The following NKX2-4 variants were observed in gnomAD, a reference collection of about 807,000 sequenced individuals.
The protein encoded by NKX2-4 is homeobox protein Nkx-2.4.
Under a neutral mutation model 8.6 loss-of-function variants are expected in NKX2-4, and 6 were observed. The ratio of observed to expected loss-of-function variants is 0.70; its 90% CI spans 0.38 to 1.38. NKX2-4 has a LOEUF of 1.38. Ranked by LOEUF, NKX2-4 falls within the 40% of genes most tolerant of loss-of-function variation. The probability of loss-of-function intolerance (pLI) is 0.02; values close to 1 mark genes in which losing one functional copy is unlikely to be tolerated. For synonymous variants in NKX2-4, 299 were observed against 272.6 expected (o/e 1.10, Z -0.95); for missense variants, 601 against 548.4 (o/e 1.10, Z -0.96).
chr20:21,396,908 G>A (rs1311477200), intron 1 of NKX2-4, 50 bp downstream of exon 1: 16 of 1,309,370 alleles, frequency 1.2e-5, no homozygotes, highest in African/African-American at 1.5e-5. Flanking sequence ...CTCGGCTGTG[G>A]CGGGAAACGC....
intron 1 of NKX2-4, 42 bp downstream of exon 1, chr20:21,396,916 C>T (rs1163240512): frequency 7.5e-7 from 1 of 1,339,682 alleles, no homozygotes; most frequent in Non-Finnish European, 9.6e-7. Flanking sequence ...TGGCGGGAAA[C>T]GCCTGAGCCG....
Position 21,397,031 on chromosome 20 carries a change from G to C in NKX2-4, c.369C>G (p.Ala123=). Reference sequence around the variant, plus strand: ...CGCCGCCCCGCATGCCGTCCGTGTAGGCGGGCAGCTCGCCCATGTTGCCCA... The same window carrying C: ...CGCCGCCCCGCATGCCGTCCGTGTACGCGGGCAGCTCGCCCATGTTGCCCA... ...GGLGNMGELP[A]YTDGMRGGAA... is the part of the protein sequence containing the mutation. The change falls in exon 1 of 2, where the codon GCC becomes GCG. Residue 123 remains alanine, a synonymous_variant. Transcript: ENST00000351817. 2 of 1,456,634 alleles carry C rather than the reference G, an allele frequency of 1.4e-6. No individual in the cohort carries two copies. The highest frequency in any genetic ancestry group is 1.8e-6 in the Non-Finnish European group (2 of 1,105,498). The allele number at this position is 1,456,634 out of a possible 1,614,324, so 90.2% of individuals were successfully genotyped here.
rs1455842675 is a variant in NKX2-4 at position 21,395,895 on chromosome 20, CG to C, written c.*15del. ...CTTCGGGTGCACCAGGACCTAGCCC[CG>C]GGGCGCCCTCGCTGTCACCACGTCC... On this transcript the variant is annotated 3_prime_UTR_variant, in exon 2 of 2. Coordinates refer to ENST00000351817, the MANE Select transcript of NKX2-4 (RefSeq NM_033176.2). The C allele has an allele frequency of 7.6e-7, 1 of 1,312,640 alleles. No homozygotes were observed. The allele number at this position is 1,312,640 out of a possible 1,614,324, so 81.3% of individuals were successfully genotyped here. A position where few individuals can be genotyped will look rare whatever the true frequency, so the allele number is the denominator to read the frequency against.
Position 21,396,099 on chromosome 20 carries a change from T to G in NKX2-4, c.877A>C (p.Thr293Pro). 1 of 1,375,296 alleles carries G rather than the reference T, an allele frequency of 7.3e-7. No homozygotes were observed. Among genetic ancestry groups the G allele is most frequent in the Non-Finnish European group, 9.3e-7 (1 of 1,070,338 alleles). 85.2% of individuals were successfully genotyped at this position (1,375,296 alleles called of 1,614,324 possible). ...DGKPCQNGAS[T>P]PTPGQAGPQP... ...GGACCGGCCTGGCCGGGGGTGGGCG[T>G]GCTGGCGCCGTTCTGGCACGGCTTG... is the stretch of plus-strand genomic sequence containing the variant. The change falls in exon 2 of 2, where the codon ACG (threonine) becomes CCG (proline). Residue 293 changes from threonine (T) to proline (P), a missense_variant. By Grantham distance (38) the Thr-to-Pro change is conservative. Coordinates refer to ENST00000351817, the MANE Select transcript of NKX2-4 (RefSeq NM_033176.2).
At chr20:21,396,901 G>A (rs1404650497) in intron 1 of NKX2-4, 57 bp downstream of exon 1, 35 of 1,293,812 alleles carry the variant, frequency 2.7e-5, no homozygotes, top group Middle Eastern at 2.8e-4. Context: ...CGCGCCCCTC[G>A]GCTGTGGCGG....
rs1363249499 is a variant in NKX2-4 at position 21,396,456 on chromosome 20, T to G, written c.520A>C (p.Lys174Gln). 5 of 1,492,492 alleles carry G rather than the reference T, an allele frequency of 3.4e-6. No individual in the cohort carries two copies. The highest frequency in any genetic ancestry group is 3.5e-6 in the Non-Finnish European group (4 of 1,133,004). 92.5% of individuals were successfully genotyped at this position (1,492,492 alleles called of 1,614,324 possible). A position where few individuals can be genotyped will look rare whatever the true frequency, so the allele number is the denominator to read the frequency against. The change falls in exon 2 of 2, where the codon AAG becomes CAG. Residue 174 changes from lysine (K) to glutamine (Q), a missense_variant. Physicochemically the swap from Lys to Gln is moderately conservative, Grantham distance 53. Transcript: ENST00000351817. ...GCCGCGTGCAGCGGGCCCAGCGACT[T>G]GGCGGCGTCCGCGATGCCGGTCAGC... is the stretch of plus-strand genomic sequence containing the variant. ...GSLTGIADAA[K>Q]SLGPLHAAAA...
Position 21,395,620 on chromosome 20 carries a change from A to C in NKX2-4, c.*291T>G, listed in dbSNP as rs2039008724. ...GTTTCCAACTTTGAGAGCTGTAGTTAAGAATGCCGTGTGAACTTCTCCACC... is the reference window on the plus strand; with the variant it reads ...GTTTCCAACTTTGAGAGCTGTAGTTCAGAATGCCGTGTGAACTTCTCCACC... On this transcript the variant is annotated 3_prime_UTR_variant, in exon 2 of 2. Transcript: ENST00000351817. 3.9e-6 allele frequency: 1 copy of C among 253,436 alleles called. No individual in the cohort carries two copies. Among genetic ancestry groups the C allele is most frequent in the South Asian group, 1.7e-4 (1 of 5,788 alleles). 15.7% of individuals were successfully genotyped at this position (253,436 alleles called of 1,614,324 possible). A position where few individuals can be genotyped will look rare whatever the true frequency, so the allele number is the denominator to read the frequency against.
In NKX2-4 at chr20:21,396,087, C is replaced by A; in HGVS notation, c.889G>T (p.Gly297Cys). The A allele has an allele frequency of 7.4e-7, 1 of 1,345,402 alleles. No homozygotes were observed. Among genetic ancestry groups the A allele is most frequent in the Non-Finnish European group, 9.5e-7 (1 of 1,055,524 alleles). The allele number at this position is 1,345,402 out of a possible 1,614,324, so 83.3% of individuals were successfully genotyped here. Residue 297 changes from glycine (G) to cysteine (C), a missense_variant, in exon 2 of 2, where the codon GGC (glycine) becomes TGC (cysteine). Physicochemically the swap from Gly to Cys is radical, Grantham distance 159. Transcript: ENST00000351817. ...CQNGASTPTP[G>C]QAGPQPPAPT... ...GCCGGCGGCTGCGGACCGGCCTGGC[C>A]GGGGGTGGGCGTGCTGGCGCCGTTC...
At position 21,397,460 on chromosome 20, in the gene NKX2-4, C is replaced by T. The variant is rs938329316; in HGVS notation, c.-61G>A. The T allele has an allele frequency of 8.1e-6, 10 of 1,241,304 alleles. No homozygotes were observed. Among genetic ancestry groups the T allele is most frequent in the Non-Finnish European group, 1.0e-5 (10 of 996,556 alleles). The allele number at this position is 1,241,304 out of a possible 1,614,324, so 76.9% of individuals were successfully genotyped here. A position where few individuals can be genotyped will look rare whatever the true frequency, so the allele number is the denominator to read the frequency against. ...GCGCGCCGGCAGGACGCGGCGGCCG[C>T]TCGTCGCCGCCACCTCGGCCGCGGC... On this transcript the variant is annotated 5_prime_UTR_variant, in exon 1 of 2. Coordinates refer to ENST00000351817, the MANE Select transcript of NKX2-4 (RefSeq NM_033176.2).
chr20:21,395,936 T>G lies in NKX2-4; in HGVS notation c.1040A>C (p.Asn347Thr). 1 of 1,337,824 alleles carries G rather than the reference T, an allele frequency of 7.5e-7. No homozygotes were observed. The highest frequency in any genetic ancestry group is 2.8e-5 in the East Asian group (1 of 35,814). The allele number at this position is 1,337,824 out of a possible 1,614,324, so 82.9% of individuals were successfully genotyped here. A position where few individuals can be genotyped will look rare whatever the true frequency, so the allele number is the denominator to read the frequency against. ...GEYSGGVLGA[N>T]LLYGRTW is the part of the protein sequence containing the mutation. ...TCACCACGTCCTGCCATAGAGCAGG[T>G]TGGCGCCCAGGACGCCGCCGCTGTA... The change falls in exon 2 of 2, where the codon AAC becomes ACC. Residue 347 changes from asparagine to threonine, a missense_variant. Physicochemically the swap from Asn to Thr is moderately conservative, Grantham distance 65. Coordinates refer to ENST00000351817, the MANE Select transcript of NKX2-4 (RefSeq NM_033176.2).
Position 21,396,299 on chromosome 20 carries a change from A to G in NKX2-4, c.677T>C (p.Ile226Thr). 1 of 1,605,436 alleles carries G rather than the reference A, an allele frequency of 6.2e-7. No individual in the cohort carries two copies. The highest frequency in any genetic ancestry group is 2.0e-4 in the Middle Eastern group (1 of 5,028). ...APEREHLASMIHLTPTQVKIW... is the reference protein window; with the variant it reads ...APEREHLASMTHLTPTQVKIW... Reference sequence around the variant, plus strand: ...CTTGACCTGCGTGGGCGTCAGGTGGATCATGCTGGCCAGGTGCTCGCGCTC... The same window carrying G: ...CTTGACCTGCGTGGGCGTCAGGTGGGTCATGCTGGCCAGGTGCTCGCGCTC... Residue 226 changes from isoleucine (I) to threonine (T), a missense_variant, in exon 2 of 2, where the codon ATC (isoleucine) becomes ACC (threonine). Ile to Thr is a moderately conservative substitution (Grantham distance 89). Coordinates refer to ENST00000351817, the MANE Select transcript of NKX2-4 (RefSeq NM_033176.2).
Position 21,396,038 on chromosome 20 carries a change from T to C in NKX2-4, c.938A>G (p.Glu313Gly). Residue 313 changes from glutamate to glycine, a missense_variant, in exon 2 of 2, where the codon GAG (glutamate) becomes GGG (glycine). By Grantham distance (98) the Glu-to-Gly change is moderately conservative (BLOSUM62 -2). Coordinates refer to ENST00000351817, the MANE Select transcript of NKX2-4 (RefSeq NM_033176.2). The stretch of plus-strand genomic sequence containing the variant: ...CGCGGGTGGGCTGGGCGACAGCTCC[T>C]CCAGCTCAGGTGCTGGCGTCGGGGC... ...PPAPTPAPELEELSPSPPALH... is the reference protein window; with the variant it reads ...PPAPTPAPELGELSPSPPALH... 7.9e-7 allele frequency: 1 copy of C among 1,263,122 alleles called. No homozygotes were observed. Among genetic ancestry groups the C allele is most frequent in the Non-Finnish European group, 9.9e-7 (1 of 1,011,676 alleles). 78.2% of individuals were successfully genotyped at this position (1,263,122 alleles called of 1,614,324 possible). A position where few individuals can be genotyped will look rare whatever the true frequency, so the allele number is the denominator to read the frequency against.
At position 21,397,392 on chromosome 20, in the gene NKX2-4, A is replaced by G; in HGVS notation, c.8T>C (p.Leu3Ser). The G allele has an allele frequency of 7.1e-7, 1 of 1,401,626 alleles. No individual in the cohort carries two copies. Among genetic ancestry groups the G allele is most frequent in the Non-Finnish European group, 9.3e-7 (1 of 1,077,680 alleles). 86.8% of individuals were successfully genotyped at this position (1,401,626 alleles called of 1,614,324 possible). The part of the protein sequence containing the change: MS[L>S]SPKHTTPFSV... ...GAAGGGCGTCGTGTGCTTTGGGCTC[A>G]ACGACATGGCTCGGCGGGCAGCCAG... The change falls in exon 1 of 2, where the codon TTG becomes TCG. Residue 3 changes from leucine (L) to serine (S), a missense_variant. Leu to Ser is a moderately radical substitution (Grantham distance 145). Coordinates refer to ENST00000351817, the MANE Select transcript of NKX2-4 (RefSeq NM_033176.2).
chr20:21,396,357 G>T lies in NKX2-4; in HGVS notation c.619C>A (p.Arg207Ser), dbSNP rs780210342. ...GACAGGTACTTCTGCTGCTTGAAGC[G>T]CCGCTCCAGCTCGTAGACCTGCGCC... is the stretch of plus-strand genomic sequence containing the variant. ...SQAQVYELER[R>S]FKQQKYLSAP... is the part of the protein sequence containing the mutation. Residue 207 changes from arginine (R) to serine (S), a missense_variant, in exon 2 of 2, where the codon CGC becomes AGC. By Grantham distance (110) the Arg-to-Ser change is moderately radical. Coordinates refer to ENST00000351817, the MANE Select transcript of NKX2-4 (RefSeq NM_033176.2). 1 of 1,598,268 alleles carries T rather than the reference G, an allele frequency of 6.3e-7. No homozygotes were observed. The highest frequency in any genetic ancestry group is 8.5e-7 in the Non-Finnish European group (1 of 1,174,454).
At chr20:21,396,897 C>T in intron 1 of NKX2-4, 61 bp downstream of exon 1, 1 of 1,291,232 alleles carries the variant, frequency 7.7e-7, no homozygotes, top group Non-Finnish European at 9.8e-7. Flanking sequence ...CCCCCGCGCC[C>T]CTCGGCTGTG....
At position 21,396,165 on chromosome 20, in the gene NKX2-4, A is replaced by ACGGCGGCGGAGG; in HGVS notation, c.799_810dup (p.Pro267_Pro270dup). 9 of 1,487,482 alleles carry ACGGCGGCGGAGG rather than the reference A, an allele frequency of 6.1e-6. No individual in the cohort carries two copies. Among genetic ancestry groups the ACGGCGGCGGAGG allele is most frequent in the Middle Eastern group, 2.4e-4 (1 of 4,226 alleles). The allele number at this position is 1,487,482 out of a possible 1,614,324, so 92.1% of individuals were successfully genotyped here. On this transcript the variant is annotated inframe_insertion, in exon 2 of 2. Coordinates refer to ENST00000351817, the MANE Select transcript of NKX2-4 (RefSeq NM_033176.2). ...ACAGGCACCGCCACGCGGCGCGGGG[A>ACGGCGGCGGAGG]CGGCGGCGGAGGCGGCGGCGGGCCC...
At position 21,397,027 on chromosome 20, in the gene NKX2-4, T is replaced by G; in HGVS notation, c.373A>C (p.Thr125Pro). ...LGNMGELPAY[T>P]DGMRGGAATG... ...GCCGCGCCGCCCCGCATGCCGTCCG[T>G]GTAGGCGGGCAGCTCGCCCATGTTG... Residue 125 changes from threonine to proline, a missense_variant, in exon 1 of 2, where the codon ACG (threonine) becomes CCG (proline). By Grantham distance (38) the Thr-to-Pro change is conservative (BLOSUM62 -1). Transcript: ENST00000351817. 6.8e-7 allele frequency: 1 copy of G among 1,460,204 alleles called. No homozygotes were observed. The highest frequency in any genetic ancestry group is 9.0e-7 in the Non-Finnish European group (1 of 1,107,740). 90.5% of individuals were successfully genotyped at this position (1,460,204 alleles called of 1,614,324 possible). A position where few individuals can be genotyped will look rare whatever the true frequency, so the allele number is the denominator to read the frequency against.
intron 1 of NKX2-4, among the ~76,000 whole-genome samples, chr20:21,396,750 C>T (rs921447872): frequency 1.3e-5 from 2 of 150,176 alleles, no homozygotes; most frequent in Non-Finnish European, 3.0e-5. Context: ...ACGCCGCGCG[C>T]GTTCCCGGTC....
In NKX2-4 at chr20:21,396,142, A is replaced by G; in HGVS notation, c.834T>C (p.Pro278=). The part of the protein sequence containing the change: ...PPPSPRRVAV[P]VLVKDGKPCQ... ...ACGGCTTGCCGTCCTTGACCAGCAC[A>G]GGCACCGCCACGCGGCGCGGGGACG... Residue 278 remains proline (P), a synonymous_variant, in exon 2 of 2, where the codon CCT becomes CCC. Transcript: ENST00000351817. 1 of 1,463,418 alleles carries G rather than the reference A, an allele frequency of 6.8e-7. No individual in the cohort carries two copies. The highest frequency in any genetic ancestry group is 9.0e-7 in the Non-Finnish European group (1 of 1,114,474). 90.7% of individuals were successfully genotyped at this position (1,463,418 alleles called of 1,614,324 possible). A position where few individuals can be genotyped will look rare whatever the true frequency, so the allele number is the denominator to read the frequency against.
Sources: gnomAD v4.1 joint callset for allele counts (sites outside exome capture counted in the v4.1 genomes callset) on GRCh38, gnomAD v4.1.1 for gene constraint, MANE v1.5 for transcripts, NCBI Gene and HGNC (gene_info 2026-07-23, HGNC 2026-07-21) for gene names.